LAS1L: variants seen among roughly 807,000 people sequenced by gnomAD.
LAS1L encodes the protein LAS1 like ribosome biogenesis factor.
In LAS1L, 5 loss-of-function variants were observed where a neutral mutation model predicts 57.3. That is an observed-to-expected ratio of 0.09 (90% CI 0.05 to 0.18). The LOEUF is 0.18. LAS1L is among the 10% of genes least tolerant of loss of function. LAS1L has a pLI of 1.00. For missense variants in LAS1L, 360 were observed against 568.3 expected, an observed-to-expected ratio of 0.63 and a Z score of 3.73; for synonymous variants, 245 against 231.7, an observed-to-expected ratio of 1.06 and a Z score of -0.52.
At chrX:65,513,085 C>T (rs2068504152) in intron 13 of LAS1L, among the ~76,000 whole-genome samples, 184 bp from the exon 14 acceptor site, 1 of 112,119 alleles carries the variant, frequency 8.9e-6, no homozygotes. Flanking sequence ...GCCCTCTCCT[C>T]AGTTGAGGAA....
intron 2 of LAS1L, 98 bp from the exon 3 acceptor site, chrX:65,532,728 C>T (rs1038598903): frequency 1.5e-5 from 9 of 582,097 alleles, no homozygotes; most frequent in Middle Eastern, 3.1e-4. Flanking sequence ...ACTTTTCCAC[C>T]GACTGTCCTG....
At position 65,524,951 on chromosome X, in the gene LAS1L, C is replaced by A. The variant is rs778880831; in HGVS notation, c.1042+14G>T. On this transcript the variant is annotated intron_variant, in intron 8 of 13. Coordinates refer to ENST00000374811, the MANE Select transcript of LAS1L (RefSeq NM_031206.7). The stretch of plus-strand genomic sequence containing the variant: ...TCAGAACCCTAAGGGTGCAGTGAGC[C>A]CCCAGAACCCTACCTTCATATTCTA... 3 of 1,188,679 alleles carry A rather than the reference C, an allele frequency of 2.5e-6. No individual in the cohort carries two copies. The Admixed American group carries it at 6.6e-5, about 26-fold the overall frequency.
chrX:65,517,097 C>A (rs898325070), intron 12 of LAS1L, among the ~76,000 whole-genome samples: 1 of 111,288 alleles, frequency 9.0e-6, no homozygotes, highest in Non-Finnish European at 1.9e-5. Flanking sequence ...GAGCAGATCC[C>A]TATCACTAAC....
At chrX:65,516,053 C>T (rs1423173534) in intron 12 of LAS1L, among the ~76,000 whole-genome samples, 1 of 111,898 alleles carries the variant, frequency 8.9e-6, no homozygotes, top group Non-Finnish European at 1.9e-5. Flanking sequence ...CTGGTGCATT[C>T]CATGTAGATT....
In LAS1L at chrX:65,534,702, G is replaced by A. The variant is rs1371174502; in HGVS notation, c.14C>T (p.Ser5Phe). 5 of 1,168,337 alleles carry A rather than the reference G, an allele frequency of 4.3e-6. No homozygotes were observed. In the East Asian group the frequency reaches 1.6e-4, roughly 38 times the overall value. Residue 5 changes from serine to phenylalanine, a missense_variant, in exon 1 of 14, where the codon TCC (serine) becomes TTC (phenylalanine). Transcript: ENST00000374811. Reference protein sequence around the residue: MSWESGAGPGLGSQG... With the variant: MSWEFGAGPGLGSQG... The stretch of plus-strand genomic sequence containing the variant: ...GGAACCTAGACCTGGCCCGGCCCCG[G>A]ATTCCCACGACATACTGAGCTCAAC...
At chrX:65,521,355 A>G in intron 11 of LAS1L, 1 of 674,787 alleles carries the variant, frequency 1.5e-6, no homozygotes, top group Non-Finnish European at 1.8e-6. Flanking sequence ...TTTGGTGCCT[A>G]GACTTGTGTG....
chrX:65,520,636 G>A (rs1465706323), intron 11 of LAS1L: 3 of 752,563 alleles, frequency 4.0e-6, no homozygotes, highest in Non-Finnish European at 4.7e-6. Flanking sequence ...TCTGTGTAAC[G>A]GGGTGATTAG....
chrX:65,528,492 A>AG lies in LAS1L; in HGVS notation c.847-124dup, dbSNP rs201974593. On this transcript the variant is annotated intron_variant, in intron 6 of 13. Transcript: ENST00000374811. Reference sequence around the variant, plus strand: ...CTGCAGGGGACAGGGCAGGGCATGCAGGGGGGGGCCCACAACTCCCCTACT... The same window carrying AG: ...CTGCAGGGGACAGGGCAGGGCATGCAGGGGGGGGGCCCACAACTCCCCTACT... 291 of 434,582 alleles carry AG rather than the reference A, an allele frequency of 6.7e-4. 1 individual carries two copies. Among genetic ancestry groups the AG allele is most frequent in the East Asian group, 9.0e-4 (23 of 25,554 alleles). The allele number at this position is 434,582 out of a possible 1,213,427, so 35.8% of individuals were successfully genotyped here.
At chrX:65,528,493 G>A (rs1015916772) in intron 6 of LAS1L, 124 bp from the exon 7 acceptor site, 27 of 393,592 alleles carry the variant, frequency 6.9e-5, no homozygotes, top group Admixed American at 1.8e-4. Flanking sequence ...AGGGCATGCA[G>A]GGGGGGGCCC....
chrX:65,525,575 G>A (rs182930283), intron 7 of LAS1L, among the ~76,000 whole-genome samples: 1 of 108,923 alleles, frequency 9.2e-6, no homozygotes, highest in Admixed American at 9.8e-5. Flanking sequence ...TTATTACTAG[G>A]GGTTCTAAAA....
intron 6 of LAS1L, 128 bp downstream of exon 6, chrX:65,529,084 G>A (rs1602639854): frequency 5.2e-6 from 3 of 579,045 alleles, no homozygotes; most frequent in East Asian, 3.5e-5. Flanking sequence ...CTCTCTTTCC[G>A]AGAAGTTCCC....
Position 65,533,687 on chromosome X carries a change from T to C in LAS1L, c.285A>G (p.Ile95Met), listed in dbSNP as rs2069623170. Residue 95 changes from isoleucine (I) to methionine (M), a missense_variant, in exon 2 of 14, where the codon ATA becomes ATG. Ile to Met is a conservative substitution (Grantham distance 10). Around this residue, in one of 7 missense-constraint regions of LAS1L, gnomAD observed 1 missense variants for 20.7 expected, o/e 0.05. Transcript: ENST00000374811. ...PLAVASTADL[I>M]RCKLLDVTGG... Reference sequence around the variant, plus strand: ...CAGTTACATCCAAGAGCTTACAGCGTATCAGGTCAGCAGTAGAAGCCACTG... The same window carrying C: ...CAGTTACATCCAAGAGCTTACAGCGCATCAGGTCAGCAGTAGAAGCCACTG... 1 of 1,208,581 alleles carries C rather than the reference T, an allele frequency of 8.3e-7. No homozygotes were observed. The highest frequency in any genetic ancestry group is 1.1e-6 in the Non-Finnish European group (1 of 894,243).
chrX:65,529,143 G>C, intron 6 of LAS1L, 69 bp downstream of exon 6: 1 of 899,229 alleles, frequency 1.1e-6, no homozygotes. Flanking sequence ...ACTTCTCTCA[G>C]GTAGCTGGCA....
rs372246177 is a variant in LAS1L, at chrX:65,529,580, T to C, written c.799+14A>G. The C allele has an allele frequency of 1.7e-6, 2 of 1,206,072 alleles. No individual in the cohort carries two copies. Among genetic ancestry groups the C allele is most frequent in the South Asian group, 1.8e-5 (1 of 56,265 alleles). Reference sequence around the variant, plus strand: ...TGGGCTCATGGGCCGCTTTCTGCCCTCCAAAACACCTACCATATAGCTCTT... The same window carrying C: ...TGGGCTCATGGGCCGCTTTCTGCCCCCCAAAACACCTACCATATAGCTCTT... On this transcript the variant is annotated intron_variant, in intron 5 of 13. Transcript: ENST00000374811.
intron 11 of LAS1L, chrX:65,520,391 T>C: frequency 1.4e-6 from 1 of 710,903 alleles, no homozygotes; most frequent in Non-Finnish European, 1.7e-6. Flanking sequence ...GTAAATGAAG[T>C]TAACCTCTAC....
rs2069003680 is a variant in LAS1L at position 65,524,191 on chromosome X, G to A, written c.1165C>T (p.Leu389=). The change falls in exon 10 of 14, where the codon CTG becomes TTG. Residue 389 remains leucine (L), a synonymous_variant. Coordinates refer to ENST00000374811, the MANE Select transcript of LAS1L (RefSeq NM_031206.7). ...GCCTGCGTGAAGTTCTGGGAGTGCA[G>A]GCCCCTGAGCAGGGGCTGCCAGAAC... ...SQFWQPLLRG[L]HSQNFTQALL... is the part of the protein sequence containing the mutation. 5 of 1,210,642 alleles carry A rather than the reference G, an allele frequency of 4.1e-6. No individual in the cohort carries two copies. Among genetic ancestry groups the A allele is most frequent in the Non-Finnish European group, 4.5e-6 (4 of 894,425 alleles).
At chrX:65,517,515 T>G (rs1057373275) in intron 12 of LAS1L, among the ~76,000 whole-genome samples, 2 of 110,841 alleles carry the variant, frequency 1.8e-5, no homozygotes, top group African/African-American at 3.3e-5. Flanking sequence ...CCTCCCAAAG[T>G]GCTGGGATTA....
intron 11 of LAS1L, chrX:65,518,832 C>T: frequency 4.0e-6 from 3 of 754,729 alleles, no homozygotes; most frequent in Non-Finnish European, 4.7e-6. Context: ...ATGCACAAAA[C>T]AGCCAACAGG....
chrX:65,528,686 C>T (rs763030605), intron 6 of LAS1L, among the ~76,000 whole-genome samples: 19 of 112,975 alleles, frequency 1.7e-4, no homozygotes, highest in Admixed American at 3.7e-4. Flanking sequence ...TGAGGAGAGG[C>T]AATGAGTTAC....
Sources: allele counts gnomAD v4.1 joint callset (sites outside exome capture counted in the v4.1 genomes callset), GRCh38; gene constraint gnomAD v4.1.1; regional missense constraint gnomAD v4.1.1; transcripts MANE v1.5; gene names NCBI Gene and HGNC (gene_info 2026-07-23, HGNC 2026-07-21).